Variants in HMGN5 observed in about 807,000 individuals in gnomAD.
HMGN5 encodes high mobility group nucleosome binding domain 5.
HMGN5 carries 4 observed loss-of-function variants against 9.5 expected under a neutral mutation model. The observed-to-expected ratio is 0.42, with a 90% CI of 0.21 to 0.96. The LOEUF (loss-of-function observed/expected upper bound fraction) is 0.96, where lower values mean the gene tolerates loss of function less well. Among genes scored for constraint, HMGN5 ranks in the 40% least tolerant of loss-of-function variants. The pLI is 0.30. For missense variants in HMGN5, 192 were observed against 187.5 expected (o/e 1.02, Z -0.14); for synonymous variants, 55 against 57.1 (o/e 0.96, Z 0.16).
intron 1 of HMGN5, among the ~76,000 whole-genome samples, chrX:81,179,652 C>G (rs2075454815): frequency 9.0e-6 from 1 of 111,554 alleles, no homozygotes; most frequent in Non-Finnish European, 1.9e-5. Context: ...GATTCAATGC[C>G]ATCCCCATCA....
rs6622412 is a variant in HMGN5 at position 81,138,564 on chromosome X, T to C, written c.-123-16892A>G. On this transcript the variant is annotated intron_variant, in intron 1 of 6. Transcript: ENST00000358130. The stretch of plus-strand genomic sequence containing the variant: ...ATTAAATGGTGAAAGACTGAATGCT[T>C]TCCCCCTAAAACTGGGAAAGATGTG... Among the ~76,000 whole-genome samples the C allele has an allele frequency of 1.3e-3, 140 of 111,699 alleles. 4 individuals are homozygous for C. The East Asian group carries it at 0.033, about 26-fold the overall frequency.
At chrX:81,155,775 C>A (rs988245775) in intron 1 of HMGN5, among the ~76,000 whole-genome samples, 14 of 111,583 alleles carry the variant, frequency 1.3e-4, no homozygotes, top group African/African-American at 4.6e-4. Flanking sequence ...GAGCTGGGGG[C>A]AGTAGTTAGA....
intron 1 of HMGN5, among the ~76,000 whole-genome samples, chrX:81,188,408 C>G (rs12847045): frequency 0.11 from 12,061 of 108,946 alleles, 613 homozygotes; most frequent in Non-Finnish European, 0.15. Context: ...GGATTACAAG[C>G]GTGAGCCATT....
chrX:81,185,736 TACTA>T (rs749029195), intron 1 of HMGN5, among the ~76,000 whole-genome samples: 1 of 111,719 alleles, frequency 9.0e-6, no homozygotes, highest in East Asian at 2.8e-4. Context: ...TTAAGTATGA[TACTA>T]ACTATGGGTC....
chrX:81,114,877 A>G lies in HMGN5; in HGVS notation c.621T>C (p.Asp207=), dbSNP rs1156405293. Residue 207 remains aspartate, a synonymous_variant, in exon 7 of 7, where the codon GAT becomes GAC. Coordinates refer to ENST00000358130, the MANE Select transcript of HMGN5 (RefSeq NM_030763.3). ...KEEEDRKETG[D]GKENEDGKEK... The stretch of plus-strand genomic sequence containing the variant: ...CTTTTCCATCTTCATTCTCTTTTCC[A>G]TCTCCTGTTTCTTTTCTGTCTTCTT... 5 of 1,140,128 alleles carry G rather than the reference A, an allele frequency of 4.4e-6. No homozygotes were observed. The Middle Eastern group carries it at 1.0e-3, about 227-fold the overall frequency. The allele number at this position is 1,140,128 out of a possible 1,213,427, so 94.0% of individuals were successfully genotyped here.
chrX:81,131,984 G>A (rs955301904), intron 1 of HMGN5, among the ~76,000 whole-genome samples: 7 of 111,518 alleles, frequency 6.3e-5, no homozygotes, highest in African/African-American at 2.3e-4. Context: ...CAGCCAAAAA[G>A]CTACTTAAAC....
intron 1 of HMGN5, among the ~76,000 whole-genome samples, chrX:81,178,714 A>G (rs1346717231): frequency 8.9e-6 from 1 of 111,979 alleles, no homozygotes; most frequent in Non-Finnish European, 1.9e-5. Flanking sequence ...GGCCAACATC[A>G]TCTTGATACC....
chrX:81,151,048 C>A (rs1473581485), intron 1 of HMGN5, among the ~76,000 whole-genome samples: 1 of 111,797 alleles, frequency 8.9e-6, no homozygotes, highest in African/African-American at 3.3e-5. Context: ...AATACTAACA[C>A]CAATCCTATT....
At chrX:81,116,014 G>A (rs878972418) in intron 6 of HMGN5, among the ~76,000 whole-genome samples, 190 bp downstream of exon 6, 1 of 111,547 alleles carries the variant, frequency 9.0e-6, no homozygotes, top group African/African-American at 3.3e-5. Context: ...GCCACTGCTC[G>A]CACTACTGGT....
intron 1 of HMGN5, among the ~76,000 whole-genome samples, chrX:81,160,109 T>C (rs1404824085): frequency 8.9e-6 from 1 of 111,825 alleles, no homozygotes; most frequent in African/African-American, 3.2e-5. Context: ...CCATTCAGAA[T>C]TGTATTTACT....
intron 1 of HMGN5, among the ~76,000 whole-genome samples, chrX:81,148,196 C>G (rs1034070203): frequency 3.6e-5 from 4 of 111,894 alleles, no homozygotes; most frequent in African/African-American, 1.3e-4. Flanking sequence ...GCAAAAAGAA[C>G]AAAGCTGTGT....
chrX:81,117,969 T>C (rs1290349209), intron 5 of HMGN5, among the ~76,000 whole-genome samples: 1 of 110,338 alleles, frequency 9.1e-6, no homozygotes, highest in Non-Finnish European at 1.9e-5. Context: ...ACAAAATCAA[T>C]TGTGTCCATT....
At chrX:81,185,666 A>G (rs1481650142) in intron 1 of HMGN5, among the ~76,000 whole-genome samples, 1 of 111,593 alleles carries the variant, frequency 9.0e-6, no homozygotes, top group African/African-American at 3.2e-5. Context: ...TATCAATGGC[A>G]AAAGTTGGCA....
chrX:81,169,355 C>T (rs755420670), intron 1 of HMGN5, among the ~76,000 whole-genome samples: 22 of 111,396 alleles, frequency 2.0e-4, no homozygotes, highest in Non-Finnish European at 3.6e-4. Context: ...GTAACATGTA[C>T]TATAAAGTTT....
At chrX:81,170,120 T>C (rs2075421919) in intron 1 of HMGN5, among the ~76,000 whole-genome samples, 1 of 104,870 alleles carries the variant, frequency 9.5e-6, no homozygotes, top group Non-Finnish European at 1.9e-5. Context: ...CAGTCATCAG[T>C]AGTGAGAGAT....
intron 1 of HMGN5, among the ~76,000 whole-genome samples, chrX:81,133,399 C>T (rs2075302907): frequency 9.0e-6 from 1 of 111,325 alleles, no homozygotes; most frequent in Non-Finnish European, 1.9e-5. Flanking sequence ...TATAAAGACA[C>T]CTGCAAACAT....
chrX:81,174,493 C>T (rs1259430780), intron 1 of HMGN5, among the ~76,000 whole-genome samples: 1 of 111,413 alleles, frequency 9.0e-6, no homozygotes, highest in Non-Finnish European at 1.9e-5. Context: ...CTATACTAGG[C>T]ATTCTGAGAT....
intron 1 of HMGN5, among the ~76,000 whole-genome samples, chrX:81,152,888 C>T (rs867972815): frequency 1.8e-4 from 19 of 105,088 alleles, no homozygotes; most frequent in Admixed American, 2.1e-4. Context: ...AGTAAACTAT[C>T]GCAAAAACAA....
At chrX:81,133,019 CA>C (rs2075301986) in intron 1 of HMGN5, among the ~76,000 whole-genome samples, 1 of 111,112 alleles carries the variant, frequency 9.0e-6, no homozygotes, top group Non-Finnish European at 1.9e-5. Context: ...AGAAATAAAA[CA>C]ACACCATTAA....
Sources: allele counts gnomAD v4.1 joint callset (sites outside exome capture counted in the v4.1 genomes callset), GRCh38; gene constraint gnomAD v4.1.1; transcripts MANE v1.5; gene names NCBI Gene and HGNC (gene_info 2026-07-23, HGNC 2026-07-21).